The following OAS2 variants were observed in gnomAD, a reference collection of about 807,000 sequenced individuals.
OAS2 encodes 2'-5'-oligoadenylate synthetase 2, also known as 2'-5'-oligoadenylate synthase 2.
A neutral mutation model predicts 71.3 loss-of-function variants in OAS2; 67 were observed. The observed-to-expected ratio is 0.94, with a 90% CI of 0.77 to 1.15. OAS2 has a LOEUF of 1.15. Among genes scored for constraint, OAS2 ranks in the 50% most tolerant of loss-of-function variants. OAS2 has a pLI of 0.00. For synonymous variants in OAS2, 327 were observed against 321.8 expected (o/e 1.02, Z -0.17); for missense variants, 789 against 822.5 (o/e 0.96, Z 0.50).
Position 113,009,441 on chromosome 12 carries a change from C to T in OAS2, c.*186C>T. On this transcript the variant is annotated 3_prime_UTR_variant, in exon 10 of 10. Transcript: ENST00000392583. ...AGGCAGGTAACCCCAGATTCATGCA[C>T]TGTAGGGTGCTGCGCAGCATCCCTA... 1 of 1,418,042 alleles carries T rather than the reference C, an allele frequency of 7.1e-7. No individual in the cohort carries two copies. Among genetic ancestry groups the T allele is most frequent in the Non-Finnish European group, 9.2e-7 (1 of 1,088,220 alleles). The allele number at this position is 1,418,042 out of a possible 1,614,324, so 87.8% of individuals were successfully genotyped here.
rs978091433 is a variant in OAS2, at chr12:112,982,221, C to T, written c.177+3436C>T. On this transcript the variant is annotated intron_variant, in intron 1 of 9. Coordinates refer to ENST00000392583, the MANE Select transcript of OAS2 (RefSeq NM_002535.3). ...TTTCCTATTTGGATGCCTTTTATTTCTTTATCTTTTGGGATTGCTTTGGCT... is the reference window on the plus strand; with the variant it reads ...TTTCCTATTTGGATGCCTTTTATTTTTTTATCTTTTGGGATTGCTTTGGCT... 3.3e-5 allele frequency among the ~76,000 whole-genome samples: 5 copies of T among 152,036 alleles called. No individual in the cohort carries two copies. In the South Asian group the frequency reaches 1.0e-3, roughly 32 times the overall value.
chr12:112,993,153 A>G (rs2136383976), intron 2 of OAS2, among the ~76,000 whole-genome samples: 1 of 152,272 alleles, frequency 6.6e-6, no homozygotes, highest in Admixed American at 6.5e-5. Context: ...TTTGTTTTTT[A>G]AACTAAATAT....
At chr12:112,979,123 C>G (rs1000109097) in intron 1 of OAS2, among the ~76,000 whole-genome samples, 3 of 152,244 alleles carry the variant, frequency 2.0e-5, no homozygotes, top group African/African-American at 7.2e-5. Flanking sequence ...CGATTTTCTT[C>G]TATCCTCTCC....
intron 7 of OAS2, 28 bp from the exon 8 acceptor site, chr12:113,006,371 TATGTGTATTAAAGC>T (rs1565997727): frequency 7.0e-7 from 1 of 1,437,258 alleles, no homozygotes; most frequent in Non-Finnish European, 9.3e-7. Flanking sequence ...TGTTACTTAC[TATGTGTATTAAAGC>T]AGGATGTCAA....
intron 1 of OAS2, among the ~76,000 whole-genome samples, chr12:112,980,437 C>T (rs2044069264): frequency 1.3e-5 from 2 of 152,226 alleles, no homozygotes; most frequent in South Asian, 2.1e-4. Flanking sequence ...TATGATCCTA[C>T]TCTCTACCTC....
chr12:112,983,002 T>C (rs2136375616), intron 1 of OAS2, among the ~76,000 whole-genome samples: 1 of 152,306 alleles, frequency 6.6e-6, no homozygotes, highest in African/African-American at 2.4e-5. Flanking sequence ...CTTTTATTTC[T>C]GTGGTATCAA....
At chr12:113,001,391 T>TAC (rs941120511) in intron 5 of OAS2, among the ~76,000 whole-genome samples, 1 of 148,300 alleles carries the variant, frequency 6.7e-6, no homozygotes, top group African/African-American at 2.5e-5. Flanking sequence ...CATATACACA[T>TAC]ATATATACAC....
At position 112,987,235 on chromosome 12, in the gene OAS2, T is replaced by C. The variant is rs1324558056; in HGVS notation, c.375T>C (p.Asp125=). 6.2e-7 allele frequency: 1 copy of C among 1,614,192 alleles called. No individual in the cohort carries two copies. Among genetic ancestry groups the C allele is most frequent in the South Asian group, 1.1e-5 (1 of 91,088 alleles). ...ATTTCGAGATCCAGAAGTCCCTTGA[T>C]GGGTTCACCATCCAGGTGTTCACAA... ...KNNFEIQKSL[D]GFTIQVFTKN... Residue 125 remains aspartate (D), a synonymous_variant, in exon 2 of 10, where the codon GAT becomes GAC. Coordinates refer to ENST00000392583, the MANE Select transcript of OAS2 (RefSeq NM_002535.3).
rs145146224 is a variant in OAS2, at chr12:112,983,556, C to T, written c.178-3482C>T. The stretch of plus-strand genomic sequence containing the variant: ...GCTTTTCTAATTCCTTAAGATGAAC[C>T]GTTAGGTTGTTTATTTGAAATTGTT... On this transcript the variant is annotated intron_variant, in intron 1 of 9. Transcript: ENST00000392583. 1.4e-3 allele frequency among the ~76,000 whole-genome samples: 208 copies of T among 152,236 alleles called. 6 individuals are homozygous for T. Among genetic ancestry groups the T allele is most frequent in the East Asian group, 5.8e-4 (3 of 5,182 alleles).
intron 5 of OAS2, among the ~76,000 whole-genome samples, chr12:112,998,728 C>T (rs1417705430): frequency 6.6e-6 from 1 of 152,178 alleles, no homozygotes; most frequent in Non-Finnish European, 1.5e-5. Context: ...TCCCTGAGGT[C>T]ACATGCCCTT....
chr12:112,987,291 C>T lies in OAS2; in HGVS notation c.431C>T (p.Ala144Val), dbSNP rs752995649. The T allele has an allele frequency of 3.1e-6, 5 of 1,614,066 alleles. No homozygotes were observed. The highest frequency in any genetic ancestry group is 3.4e-6 in the Non-Finnish European group (4 of 1,180,030). ...KNQRISFEVLAAFNALSLNDN... is the reference protein window; with the variant it reads ...KNQRISFEVLVAFNALSLNDN... ...CAGAGAATCTCTTTCGAGGTGCTGGCCGCCTTCAACGCTCTGAGTAAGCAT... is the reference window on the plus strand; with the variant it reads ...CAGAGAATCTCTTTCGAGGTGCTGGTCGCCTTCAACGCTCTGAGTAAGCAT... The change falls in exon 2 of 10, where the codon GCC becomes GTC. Residue 144 changes from alanine (A) to valine (V), a missense_variant. Transcript: ENST00000392583.
At chr12:113,004,489 C>G (rs1258547065) in intron 6 of OAS2, among the ~76,000 whole-genome samples, 1 of 152,200 alleles carries the variant, frequency 6.6e-6, no homozygotes, top group Non-Finnish European at 1.5e-5. Context: ...TTTACCAACC[C>G]TGTACCTCAA....
intron 2 of OAS2, among the ~76,000 whole-genome samples, chr12:112,992,682 G>A (rs2044202278): frequency 6.6e-6 from 1 of 152,298 alleles, no homozygotes; most frequent in South Asian, 2.1e-4. Flanking sequence ...CTGGCTTGGG[G>A]AAACATGTAC....
At chr12:113,009,053 G>C in intron 9 of OAS2, 34 bp from the exon 10 acceptor site, 3 of 1,590,644 alleles carry the variant, frequency 1.9e-6, no homozygotes, top group Non-Finnish European at 2.6e-6. Flanking sequence ...ACTGGGATTT[G>C]GAATCTCCTA....
rs75633445 is a variant in OAS2, at chr12:112,991,088, A to G, written c.448+3780A>G. Among the ~76,000 whole-genome samples the G allele has an allele frequency of 3.3e-5, 5 of 152,244 alleles. No homozygotes were observed. The East Asian group carries it at 7.7e-4, about 24-fold the overall frequency. On this transcript the variant is annotated intron_variant, in intron 2 of 9. Coordinates refer to ENST00000392583, the MANE Select transcript of OAS2 (RefSeq NM_002535.3). Reference sequence around the variant, plus strand: ...ACCACTCACCACCAACTAACTCTCTATGCTTCAGCCACTCTGGCCTTCCCT... The same window carrying G: ...ACCACTCACCACCAACTAACTCTCTGTGCTTCAGCCACTCTGGCCTTCCCT...
In OAS2 at chr12:113,009,686, A is replaced by C; in HGVS notation, c.*431A>C. 7.1e-6 allele frequency: 7 copies of C among 989,314 alleles called. No individual in the cohort carries two copies. Among genetic ancestry groups the C allele is most frequent in the Non-Finnish European group, 7.2e-6 (6 of 832,730 alleles). The allele number at this position is 989,314 out of a possible 1,614,324, so 61.3% of individuals were successfully genotyped here. A position where few individuals can be genotyped will look rare whatever the true frequency, so the allele number is the denominator to read the frequency against. On this transcript the variant is annotated 3_prime_UTR_variant, in exon 10 of 10. Coordinates refer to ENST00000392583, the MANE Select transcript of OAS2 (RefSeq NM_002535.3). ...AAGCAGGAAGAAGGAAAAGATACCC[A>C]AAGGTCAAGAACACAGTGATTTTAT...
chr12:112,988,983 C>A (rs1232441006), intron 2 of OAS2, among the ~76,000 whole-genome samples: 2 of 152,278 alleles, frequency 1.3e-5, no homozygotes, highest in East Asian at 3.9e-4. Context: ...ATGACACAGC[C>A]TCAGGAAGTT....
chr12:113,001,812 G>A (rs2044292729), intron 5 of OAS2, among the ~76,000 whole-genome samples: 1 of 134,856 alleles, frequency 7.4e-6, no homozygotes, highest in Non-Finnish European at 1.5e-5. Context: ...GATTGCTTAA[G>A]ACCAAGAGTT....
rs2044076328 is a variant in OAS2, at chr12:112,980,992, C to G, written c.177+2207C>G. On this transcript the variant is annotated intron_variant, in intron 1 of 9. Transcript: ENST00000392583. ...TGATGTCAAGCATTTTTTCATATAC[C>G]CATTGGCCATTTTGTATGTCTTCTT... 1.3e-5 allele frequency among the ~76,000 whole-genome samples: 2 copies of G among 152,066 alleles called. 1 individual carries two copies. Among genetic ancestry groups the G allele is most frequent in the African/African-American group, 4.8e-5 (2 of 41,506 alleles).
Sources: allele counts gnomAD v4.1 joint callset (sites outside exome capture counted in the v4.1 genomes callset), GRCh38; gene constraint gnomAD v4.1.1; transcripts MANE v1.5; gene names NCBI Gene and HGNC (gene_info 2026-07-23, HGNC 2026-07-21).